Variants in GPC5 observed in about 807,000 individuals in gnomAD.
GPC5 encodes glypican 5, also known as glypican-5.
In GPC5, 47 loss-of-function variants were observed where a neutral mutation model predicts 53.9. That is an observed-to-expected ratio of 0.87 (90% CI 0.69 to 1.11). The LOEUF (loss-of-function observed/expected upper bound fraction) is 1.11, where lower values mean the gene tolerates loss of function less well. GPC5 is among the 50% of genes most tolerant of loss of function. The pLI, the probability that GPC5 is intolerant of heterozygous loss-of-function variation, is 0.00. For synonymous variants in GPC5, 286 were observed against 263.3 expected (o/e 1.09, Z -0.84); for missense variants, 748 against 713.1 (o/e 1.05, Z -0.56).
intron 2 of GPC5, among the ~76,000 whole-genome samples, chr13:91,680,385 G>C (rs1216859881): frequency 6.6e-6 from 1 of 152,190 alleles, no homozygotes; most frequent in Non-Finnish European, 1.5e-5. Context: ...GGAGGCGGAG[G>C]TTGCAGTGAG....
At chr13:92,761,352 A>G (rs559201081) in intron 7 of GPC5, among the ~76,000 whole-genome samples, 1 of 152,168 alleles carries the variant, frequency 6.6e-6, no homozygotes, top group Admixed American at 6.6e-5. Context: ...TTTGCTTTGT[A>G]TATTTAGGTG....
intron 7 of GPC5, among the ~76,000 whole-genome samples, chr13:92,387,928 C>T (rs1874813993): frequency 1.3e-5 from 2 of 152,092 alleles, no homozygotes; most frequent in Non-Finnish European, 2.9e-5. Context: ...GGCATTATTA[C>T]TATTTCACTG....
intron 6 of GPC5, among the ~76,000 whole-genome samples, chr13:91,977,396 A>G (rs1456611709): frequency 6.6e-6 from 1 of 152,240 alleles, no homozygotes; most frequent in African/African-American, 2.4e-5. Context: ...GTTATAATTA[A>G]GCAATTGAAG....
chr13:92,627,640 C>T (rs1885090270), intron 7 of GPC5, among the ~76,000 whole-genome samples: 1 of 152,124 alleles, frequency 6.6e-6, no homozygotes, highest in Admixed American at 6.5e-5. Context: ...CATGATGAGA[C>T]ATATTTATTG....
chr13:92,803,475 C>T (rs963470611), intron 7 of GPC5, among the ~76,000 whole-genome samples: 1 of 151,866 alleles, frequency 6.6e-6, no homozygotes, highest in Non-Finnish European at 1.5e-5. Flanking sequence ...AGCCTAATTC[C>T]CTTTGCAACT....
chr13:92,835,511 C>T (rs921770358), intron 7 of GPC5, among the ~76,000 whole-genome samples: 1 of 151,948 alleles, frequency 6.6e-6, no homozygotes, highest in Admixed American at 6.6e-5. Flanking sequence ...GGCTCCTATT[C>T]ATTACTTTTA....
chr13:92,514,071 G>A (rs1315644900), intron 7 of GPC5, among the ~76,000 whole-genome samples: 1 of 151,356 alleles, frequency 6.6e-6, no homozygotes, highest in African/African-American at 2.4e-5. Context: ...AGGGAGTAAG[G>A]CTAAAAAAAT....
chr13:92,300,496 T>A (rs1001138265), intron 7 of GPC5, among the ~76,000 whole-genome samples: 1 of 152,212 alleles, frequency 6.6e-6, no homozygotes, highest in Non-Finnish European at 1.5e-5. Flanking sequence ...TCAGGCACTA[T>A]GCTAACCTAA....
At chr13:91,577,565 G>A (rs1223884061) in intron 2 of GPC5, among the ~76,000 whole-genome samples, 1 of 152,122 alleles carries the variant, frequency 6.6e-6, no homozygotes, top group African/African-American at 2.4e-5. Flanking sequence ...CTCACCTATT[G>A]TTGACTTTCT....
At chr13:91,542,142 A>G (rs1377544749) in intron 2 of GPC5, among the ~76,000 whole-genome samples, 2 of 152,112 alleles carry the variant, frequency 1.3e-5, no homozygotes, top group African/African-American at 4.8e-5. Flanking sequence ...AAAATGTTCC[A>G]TCTATATTCT....
chr13:91,623,030 G>A (rs2033903039), intron 2 of GPC5, among the ~76,000 whole-genome samples: 1 of 152,072 alleles, frequency 6.6e-6, no homozygotes, highest in Admixed American at 6.6e-5. Context: ...CCTCAAGATA[G>A]GGGAAGAAGG....
chr13:92,713,547 G>A lies in GPC5; in HGVS notation c.1562-152735G>A, dbSNP rs11843306. Among the ~76,000 whole-genome samples, 13 of 150,466 alleles carry A rather than the reference G, an allele frequency of 8.6e-5. No individual in the cohort carries two copies. The South Asian group carries it at 2.1e-3, about 24-fold the overall frequency. On this transcript the variant is annotated intron_variant, in intron 7 of 7. Transcript: ENST00000377067. Reference sequence around the variant, plus strand: ...GGCGTGAACCCAGGAGGCAGAGCTTGCAGTGAGCTGAGATCGTGCCAATAC... The same window carrying A: ...GGCGTGAACCCAGGAGGCAGAGCTTACAGTGAGCTGAGATCGTGCCAATAC...
chr13:92,657,735 A>C (rs1346233119), intron 7 of GPC5, among the ~76,000 whole-genome samples: 1 of 151,988 alleles, frequency 6.6e-6, no homozygotes, highest in Non-Finnish European at 1.5e-5. Context: ...TGAATACTTC[A>C]AATTTTCCAA....
chr13:92,111,820 T>C (rs2041559458), intron 6 of GPC5, among the ~76,000 whole-genome samples: 1 of 152,208 alleles, frequency 6.6e-6, no homozygotes, highest in Non-Finnish European at 1.5e-5. Flanking sequence ...TAAAGAATCT[T>C]GTCCAGCCAA....
At chr13:91,994,261 A>G (rs1006549140) in intron 6 of GPC5, among the ~76,000 whole-genome samples, 3 of 152,216 alleles carry the variant, frequency 2.0e-5, no homozygotes, top group African/African-American at 7.2e-5. Context: ...AATTTTTATG[A>G]TAGCATCTAA....
chr13:92,008,328 C>T (rs2040628839), intron 6 of GPC5, among the ~76,000 whole-genome samples: 1 of 152,102 alleles, frequency 6.6e-6, no homozygotes, highest in Non-Finnish European at 1.5e-5. Context: ...TCCCAAAGTG[C>T]TAGGATTACA....
chr13:92,301,087 GAACAT>G (rs1423088964), intron 7 of GPC5, among the ~76,000 whole-genome samples: 5 of 152,196 alleles, frequency 3.3e-5, no homozygotes, highest in African/African-American at 1.2e-4. Context: ...GTACAATAAA[GAACAT>G]AACATCAATG....
intron 2 of GPC5, among the ~76,000 whole-genome samples, chr13:91,472,235 G>A (rs1257090682): frequency 6.6e-6 from 1 of 152,108 alleles, no homozygotes; most frequent in Non-Finnish European, 1.5e-5. Flanking sequence ...TGTGATTTTT[G>A]TTTTTAGTTT....
chr13:91,774,160 A>G (rs1414342225), intron 5 of GPC5, among the ~76,000 whole-genome samples: 1 of 152,202 alleles, frequency 6.6e-6, no homozygotes, highest in Non-Finnish European at 1.5e-5. Context: ...TACAGGAGGT[A>G]CAGTGTAGAG....
Sources: allele counts gnomAD v4.1 joint callset (sites outside exome capture counted in the v4.1 genomes callset), GRCh38; gene constraint gnomAD v4.1.1; transcripts MANE v1.5; gene names NCBI Gene and HGNC (gene_info 2026-07-23, HGNC 2026-07-21).